AGTPBP1: variants seen among roughly 807,000 people sequenced by gnomAD.
AGTPBP1 encodes the protein ATP/GTP binding carboxypeptidase 1, also known as cytosolic carboxypeptidase 1.
AGTPBP1 carries 70 observed loss-of-function variants against 143.9 expected under a neutral mutation model. That is an observed-to-expected ratio of 0.49 (90% CI 0.40 to 0.59). The LOEUF is 0.59. Ranked by LOEUF, AGTPBP1 falls within the 20% of genes least tolerant of loss-of-function variation. The pLI is 0.00. For missense variants in AGTPBP1, 1,229 were observed against 1,464.5 expected, an observed-to-expected ratio of 0.84 and a Z score of 2.62; for synonymous variants, 463 against 500.2, an observed-to-expected ratio of 0.93 and a Z score of 0.99.
intron 1 of AGTPBP1, among the ~76,000 whole-genome samples, chr9:85,716,598 T>C (rs930428730): frequency 6.6e-6 from 1 of 152,192 alleles, no homozygotes; most frequent in African/African-American, 2.4e-5. Context: ...TCAGAAAGTC[T>C]TGATAATTCT....
intron 17 of AGTPBP1, among the ~76,000 whole-genome samples, chr9:85,604,692 T>A (rs918839585): frequency 6.6e-6 from 1 of 152,100 alleles, no homozygotes; most frequent in African/African-American, 2.4e-5. Flanking sequence ...GACAGAGAAT[T>A]CAAACTAGAT....
At chr9:85,701,373 G>A (rs1836647863) in intron 2 of AGTPBP1, among the ~76,000 whole-genome samples, 1 of 151,450 alleles carries the variant, frequency 6.6e-6, no homozygotes, top group African/African-American at 2.4e-5. Context: ...AGGATTACAG[G>A]CACCCACCAC....
the AGTPBP1 span, among the ~76,000 whole-genome samples, chr9:85,793,706 T>C: frequency 7.2e-5 from 11 of 152,136 alleles, no homozygotes; most frequent in South Asian, 2.1e-4. Flanking sequence ...AAATTCAGTA[T>C]CTCCCATAAG....
intron 1 of AGTPBP1, among the ~76,000 whole-genome samples, chr9:85,731,022 G>A (rs909366915): frequency 6.6e-6 from 1 of 152,110 alleles, no homozygotes; most frequent in Non-Finnish European, 1.5e-5. Flanking sequence ...TGTCTTTACT[G>A]TTTTATTTTT....
At chr9:85,754,128 T>C in the AGTPBP1 span, among the ~76,000 whole-genome samples, 1 of 152,206 alleles carries the variant, frequency 6.6e-6, no homozygotes, top group Non-Finnish European at 1.5e-5. Context: ...ATTTGAATGT[T>C]GTAGAATATA....
intron 18 of AGTPBP1, among the ~76,000 whole-genome samples, chr9:85,593,369 A>G (rs1236171691): frequency 6.6e-6 from 1 of 152,226 alleles, no homozygotes; most frequent in Non-Finnish European, 1.5e-5. Context: ...ATTTAAAAAA[A>G]GAGAAAAGGG....
chr9:85,655,036 A>G (rs1833410026), intron 11 of AGTPBP1, 107 bp downstream of exon 11: 1 of 986,700 alleles, frequency 1.0e-6, no homozygotes, highest in Non-Finnish European at 1.4e-6. Flanking sequence ...TTATCACGTT[A>G]AGTAAGGCCT....
intron 2 of AGTPBP1, among the ~76,000 whole-genome samples, chr9:85,698,526 T>C (rs1390788849): frequency 6.6e-6 from 1 of 152,094 alleles, no homozygotes; most frequent in Non-Finnish European, 1.5e-5. Context: ...CTCTACCATT[T>C]GACTACATTT....
chr9:85,756,069 T>C, the AGTPBP1 span: 1 of 1,519,498 alleles, frequency 6.6e-7, no homozygotes, highest in Non-Finnish European at 8.8e-7. Flanking sequence ...TTAATTTTAA[T>C]GTAGAAATTG....
chr9:85,687,933 T>C (rs1031990429), intron 3 of AGTPBP1, among the ~76,000 whole-genome samples: 4 of 150,360 alleles, frequency 2.7e-5, no homozygotes, highest in South Asian at 2.1e-4. Flanking sequence ...CTACTAAAAA[T>C]ACAAAAAATT....
intron 19 of AGTPBP1, among the ~76,000 whole-genome samples, chr9:85,592,081 T>G (rs1829003932): frequency 6.6e-6 from 1 of 152,140 alleles, no homozygotes; most frequent in Non-Finnish European, 1.5e-5. Context: ...AAGATCTCAA[T>G]TTTTCCTTCA....
rs190981507 is a variant in AGTPBP1, at chr9:85,575,197, A to C, written c.3503+118T>G. The C allele has an allele frequency of 2.1e-3, 1,320 of 628,204 alleles. 4 individuals carry two copies. Among genetic ancestry groups the C allele is most frequent in the Non-Finnish European group, 2.5e-3 (1,019 of 409,184 alleles). The allele number at this position is 628,204 out of a possible 1,614,324, so 38.9% of individuals were successfully genotyped here. A position where few individuals can be genotyped will look rare whatever the true frequency, so the allele number is the denominator to read the frequency against. On this transcript the variant is annotated intron_variant, in intron 25 of 25. Transcript: ENST00000357081. ...GAACAAATATTTGATGTATTAACTT[A>C]ATTATATTAATTCTAAACATGCTCT...
At chr9:85,690,946 C>T (rs1475401374) in intron 3 of AGTPBP1, among the ~76,000 whole-genome samples, 1 of 152,148 alleles carries the variant, frequency 6.6e-6, no homozygotes. Context: ...TAGGTTGTGA[C>T]ACAAAGAAGA....
intron 17 of AGTPBP1, among the ~76,000 whole-genome samples, chr9:85,618,504 T>C (rs1363369267): frequency 6.6e-6 from 1 of 150,878 alleles, no homozygotes; most frequent in Non-Finnish European, 1.5e-5. Context: ...AAAAAATCAT[T>C]AACAAAATAT....
chr9:85,619,046 G>T lies in AGTPBP1; in HGVS notation c.2272C>A (p.Pro758Thr). The change falls in exon 17 of 26, where the codon CCA becomes ACA. Residue 758 changes from proline (P) to threonine (T), a missense_variant. Coordinates refer to ENST00000357081, the MANE Select transcript of AGTPBP1 (RefSeq NM_001330701.2). ...WFYFEVSGMR[P>T]GVAYRFNIIN... Reference sequence around the variant, plus strand: ...ATGTTAAACCTGTAAGCAACACCTGGTCGCATTCCACTGACTTCAAAGTAA... The same window carrying T: ...ATGTTAAACCTGTAAGCAACACCTGTTCGCATTCCACTGACTTCAAAGTAA... 1 of 1,613,830 alleles carries T rather than the reference G, an allele frequency of 6.2e-7. No homozygotes were observed. Among genetic ancestry groups the T allele is most frequent in the Non-Finnish European group, 8.5e-7 (1 of 1,179,868 alleles).
chr9:85,740,153 T>C (rs536164596), intron 1 of AGTPBP1, among the ~76,000 whole-genome samples: 4 of 152,250 alleles, frequency 2.6e-5, no homozygotes, highest in Admixed American at 2.0e-4. Context: ...AAAAGCTTTA[T>C]AAAAATTGCT....
chr9:85,793,586 A>G, the AGTPBP1 span: 2 of 152,340 alleles, frequency 1.3e-5, no homozygotes, highest in East Asian at 1.9e-4. Flanking sequence ...ACCTACAATC[A>G]TAAGTATTCT....
At chr9:85,592,983 T>C (rs1829067450) in intron 18 of AGTPBP1, among the ~76,000 whole-genome samples, 1 of 152,172 alleles carries the variant, frequency 6.6e-6, no homozygotes, top group Non-Finnish European at 1.5e-5. Context: ...TTGACATCCA[T>C]ACACGTTACT....
chr9:85,701,210 C>T (rs142046149), intron 2 of AGTPBP1, among the ~76,000 whole-genome samples: 1,604 of 150,754 alleles, frequency 0.011, 27 homozygotes, highest in African/African-American at 0.037. Context: ...CCACACCTGG[C>T]CTTTTTTTTT....
Sources: allele counts gnomAD v4.1 joint callset (sites outside exome capture counted in the v4.1 genomes callset), GRCh38; gene constraint gnomAD v4.1.1; transcripts MANE v1.5; gene names NCBI Gene and HGNC (gene_info 2026-07-23, HGNC 2026-07-21).